Variants in BRD10 observed in about 807,000 individuals in gnomAD.
BRD10 encodes the protein uncharacterized bromodomain-containing protein 10.
At chr9:5,914,311 AT>A in the BRD10 span, among the ~76,000 whole-genome samples, 1 of 151,186 alleles carries the variant, frequency 6.6e-6, no homozygotes, top group Non-Finnish European at 1.5e-5. Context: ...TAATAATTTA[AT>A]CTCTTTTTAT....
chr9:5,982,549 C>T, the BRD10 span, among the ~76,000 whole-genome samples: 2 of 152,198 alleles, frequency 1.3e-5, no homozygotes, highest in African/African-American at 4.8e-5. Flanking sequence ...TGAGCTAGCA[C>T]ACTCAGCCCC....
At chr9:5,958,398 A>G in the BRD10 span, among the ~76,000 whole-genome samples, 2 of 152,098 alleles carry the variant, frequency 1.3e-5, no homozygotes, top group Non-Finnish European at 2.9e-5. Context: ...TCAGTTTCTT[A>G]TTCCTCATTC....
the BRD10 span, among the ~76,000 whole-genome samples, chr9:5,950,789 T>A: frequency 6.6e-6 from 1 of 152,098 alleles, no homozygotes; most frequent in East Asian, 1.9e-4. Context: ...GCTTAAGACC[T>A]TGATATAAAG....
At chr9:5,890,394 C>G in the BRD10 span, among the ~76,000 whole-genome samples, 2 of 152,126 alleles carry the variant, frequency 1.3e-5, no homozygotes, top group African/African-American at 4.8e-5. Context: ...CATTGTTTAT[C>G]TGAAGTTCAA....
chr9:5,988,814 T>A, the BRD10 span, among the ~76,000 whole-genome samples: 26 of 152,088 alleles, frequency 1.7e-4, no homozygotes, highest in African/African-American at 5.8e-4. Context: ...ATCTCTTTAA[T>A]AGAAAACAAA....
the BRD10 span, among the ~76,000 whole-genome samples, chr9:5,943,402 C>A: frequency 6.6e-6 from 1 of 152,014 alleles, no homozygotes; most frequent in Non-Finnish European, 1.5e-5. Context: ...AAATTGGCAA[C>A]TTTATTTAAC....
the BRD10 span, chr9:6,007,236 C>G: frequency 6.2e-7 from 1 of 1,613,884 alleles, no homozygotes; most frequent in South Asian, 1.1e-5. Context: ...TCATCTCCAG[C>G]TTCTGGCCCT....
chr9:5,938,328 G>T, the BRD10 span, among the ~76,000 whole-genome samples: 2 of 151,600 alleles, frequency 1.3e-5, no homozygotes, highest in South Asian at 2.1e-4. Flanking sequence ...TTTAGTCCCA[G>T]CTTCTCTCAA....
At chr9:5,882,123 A>T in the BRD10 span, among the ~76,000 whole-genome samples, 52 of 152,326 alleles carry the variant, frequency 3.4e-4, no homozygotes, top group Non-Finnish European at 6.3e-4. Context: ...AAGACTAGGA[A>T]GACTTCTCAG....
chr9:5,993,582 G>A, the BRD10 span, among the ~76,000 whole-genome samples: 1 of 152,204 alleles, frequency 6.6e-6, no homozygotes, highest in East Asian at 1.9e-4. Flanking sequence ...ATATGGGTAG[G>A]AGAGTGAATA....
the BRD10 span, among the ~76,000 whole-genome samples, chr9:5,987,688 T>C: frequency 4.6e-5 from 7 of 152,228 alleles, no homozygotes; most frequent in Non-Finnish European, 1.0e-4. Flanking sequence ...CAAGTCCTTA[T>C]AACATTAGTA....
chr9:5,897,477 G>C, the BRD10 span: 1 of 1,320,488 alleles, frequency 7.6e-7, no homozygotes, highest in Non-Finnish European at 1.1e-6. Context: ...TCCATATGAA[G>C]AGGAAGACTG....
At chr9:6,007,613 C>G in the BRD10 span, 6 of 1,605,482 alleles carry the variant, frequency 3.7e-6, no homozygotes, top group Non-Finnish European at 5.1e-6. Flanking sequence ...GCCTCCATCT[C>G]TTCCTCCTGA....
At chr9:5,982,105 A>T in the BRD10 span, among the ~76,000 whole-genome samples, 1 of 152,172 alleles carries the variant, frequency 6.6e-6, no homozygotes, top group African/African-American at 2.4e-5. Flanking sequence ...GGTTAAAGAC[A>T]TGCAAAAGAA....
the BRD10 span, among the ~76,000 whole-genome samples, chr9:5,960,538 G>T: frequency 6.7e-6 from 1 of 150,262 alleles, no homozygotes; most frequent in Non-Finnish European, 1.5e-5. Flanking sequence ...CTCCAGCCTG[G>T]GCAACAAGAG....
chr9:5,978,461 GAAGC>G, the BRD10 span, among the ~76,000 whole-genome samples: 1 of 150,686 alleles, frequency 6.6e-6, no homozygotes, highest in Admixed American at 6.6e-5. Flanking sequence ...ATGAAAAAGG[GAAGC>G]AAGATATTTA....
chr9:5,966,078 G>A, the BRD10 span, among the ~76,000 whole-genome samples: 1 of 152,132 alleles, frequency 6.6e-6, no homozygotes, highest in Non-Finnish European at 1.5e-5. Context: ...CTTAAGATCT[G>A]ACTTCCTAAA....
chr9:5,921,330 C>G, the BRD10 span: 1 of 1,613,854 alleles, frequency 6.2e-7, no homozygotes, highest in Middle Eastern at 1.6e-4. Flanking sequence ...ATTGGTGTGC[C>G]CACTGTAGAC....
the BRD10 span, among the ~76,000 whole-genome samples, chr9:5,908,336 T>C: frequency 2.0e-5 from 3 of 152,240 alleles, no homozygotes; most frequent in Admixed American, 2.0e-4. Flanking sequence ...TGTCTATAAA[T>C]AGCATTCAAT....
Sources: allele counts gnomAD v4.1 joint callset (sites outside exome capture counted in the v4.1 genomes callset), GRCh38; gene constraint gnomAD v4.1.1; transcripts MANE v1.5; gene names NCBI Gene and HGNC (gene_info 2026-07-23, HGNC 2026-07-21).